REEP5: variants seen among roughly 807,000 people sequenced by gnomAD.
REEP5 encodes receptor accessory protein 5.
A neutral mutation model predicts 22.4 loss-of-function variants in REEP5; 24 were observed. The observed-to-expected ratio is 1.07, with a 90% CI of 0.78 to 1.51. REEP5 has a LOEUF of 1.51. REEP5 is among the 40% of genes most tolerant of loss of function. The probability of loss-of-function intolerance (pLI) is 0.00; values close to 1 mark genes in which losing one functional copy is unlikely to be tolerated. For synonymous variants in REEP5, 103 were observed against 88.6 expected, an observed-to-expected ratio of 1.16 and a Z score of -0.92; for missense variants, 252 against 233.0, an observed-to-expected ratio of 1.08 and a Z score of -0.53.
At chr5:112,880,059 A>G (rs1442072220) in intron 4 of REEP5, among the ~76,000 whole-genome samples, 1 of 152,174 alleles carries the variant, frequency 6.6e-6, no homozygotes, top group East Asian at 1.9e-4. Flanking sequence ...ATTCTCTCCT[A>G]TGATGAGAAG....
chr5:112,886,030 C>G (rs1419563062), intron 4 of REEP5, among the ~76,000 whole-genome samples: 1 of 152,230 alleles, frequency 6.6e-6, no homozygotes, highest in East Asian at 1.9e-4. Context: ...GCGACATGGC[C>G]TCTCCACTTG....
Position 112,922,111 on chromosome 5 carries a change from T to C in REEP5, c.80A>G (p.Glu27Gly), listed in dbSNP as rs773976992. The C allele has an allele frequency of 3.2e-5, 51 of 1,604,810 alleles. No individual in the cohort carries two copies. Among genetic ancestry groups the C allele is most frequent in the Middle Eastern group, 3.3e-4 (2 of 6,064 alleles). Residue 27 changes from glutamate (E) to glycine (G), a missense_variant, in exon 1 of 5, where the codon GAG becomes GGG. By Grantham distance (98) the Glu-to-Gly change is moderately conservative. Coordinates refer to ENST00000379638, the MANE Select transcript of REEP5 (RefSeq NM_005669.5). ...NCMTDLLAKLEAKTGVNRSFI... is the reference protein window; with the variant it reads ...NCMTDLLAKLGAKTGVNRSFI... Reference sequence around the variant, plus strand: ...GCTCCTGTTCACGCCGGTTTTGGCCTCGAGCTTGGCCAGAAGGTCAGTCAT... The same window carrying C: ...GCTCCTGTTCACGCCGGTTTTGGCCCCGAGCTTGGCCAGAAGGTCAGTCAT...
intron 4 of REEP5, among the ~76,000 whole-genome samples, chr5:112,886,472 A>C (rs1768249579): frequency 1.3e-5 from 2 of 152,142 alleles, no homozygotes; most frequent in Admixed American, 6.5e-5. Flanking sequence ...GCTTGTCTCT[A>C]GTTTTAGGTC....
At chr5:112,919,771 G>C (rs574935453) in intron 2 of REEP5, among the ~76,000 whole-genome samples, 4 of 152,064 alleles carry the variant, frequency 2.6e-5, no homozygotes, top group Non-Finnish European at 5.9e-5. Flanking sequence ...CCAGAACTGT[G>C]AGCAATAAAT....
chr5:112,885,778 G>A lies in REEP5; in HGVS notation c.520+1237C>T, dbSNP rs180720086. 8 of 248,704 alleles carry A rather than the reference G, an allele frequency of 3.2e-5. No individual in the cohort carries two copies. In the East Asian group the frequency reaches 3.5e-4, roughly 11 times the overall value. 15.4% of individuals were successfully genotyped at this position (248,704 alleles called of 1,614,324 possible). ...TTTTGACTACATATATGCCAAGCCC[G>A]TAGTCTGAGACAGAGAGCCAAGCTA... is the stretch of plus-strand genomic sequence containing the variant. On this transcript the variant is annotated intron_variant, in intron 4 of 4. Coordinates refer to ENST00000379638, the MANE Select transcript of REEP5 (RefSeq NM_005669.5).
intron 2 of REEP5, among the ~76,000 whole-genome samples, chr5:112,916,345 C>G (rs972132582): frequency 6.6e-6 from 1 of 152,212 alleles, no homozygotes; most frequent in African/African-American, 2.4e-5. Flanking sequence ...AGATACTTGT[C>G]TCTTGAAACA....
intron 2 of REEP5, among the ~76,000 whole-genome samples, chr5:112,911,263 C>G (rs116698020): frequency 0.014 from 2,103 of 152,318 alleles, 16 homozygotes; most frequent in Middle Eastern, 0.037. Flanking sequence ...ATTTCAACCT[C>G]CAGACTTCTT....
At chr5:112,917,823 C>G (rs773363815) in intron 2 of REEP5, among the ~76,000 whole-genome samples, 1 of 152,112 alleles carries the variant, frequency 6.6e-6, no homozygotes, top group East Asian at 1.9e-4. Flanking sequence ...AAACAGAATG[C>G]AGATTAGTGG....
intron 1 of REEP5, chr5:112,921,515 C>G (rs909184104): frequency 1.9e-6 from 1 of 536,938 alleles, no homozygotes; most frequent in South Asian, 2.1e-5. Context: ...GCGCAGCAAC[C>G]CCCGGCGCCC....
intron 3 of REEP5, among the ~76,000 whole-genome samples, chr5:112,888,434 T>C (rs754408816): frequency 1.3e-5 from 2 of 152,172 alleles, no homozygotes; most frequent in African/African-American, 4.8e-5. Context: ...TATCTCCAGA[T>C]TATTCTTTCT....
At chr5:112,913,547 A>T (rs1353897431) in intron 2 of REEP5, among the ~76,000 whole-genome samples, 86 of 150,686 alleles carry the variant, frequency 5.7e-4, no homozygotes, top group African/African-American at 1.9e-3. Context: ...AAAAAAAAAA[A>T]AAAAAAAAAA....
At chr5:112,892,021 G>A (rs759839764) in intron 3 of REEP5, 22 of 1,300,640 alleles carry the variant, frequency 1.7e-5, no homozygotes, top group African/African-American at 1.6e-4. Flanking sequence ...AGAAGAGGAG[G>A]AGCAGAAACA....
chr5:112,912,826 A>G (rs2150047352), intron 2 of REEP5, among the ~76,000 whole-genome samples: 1 of 152,360 alleles, frequency 6.6e-6, no homozygotes, highest in Middle Eastern at 3.4e-3. Flanking sequence ...GGAAAAAAGA[A>G]TCAGACATTT....
rs190056267 is a variant in REEP5 at position 112,917,322 on chromosome 5, G to A, written c.212+3841C>T. On this transcript the variant is annotated intron_variant, in intron 2 of 4. Transcript: ENST00000379638. ...AAGCCTGGCCTCTGTGTGACCTTGG[G>A]AAACACACTCCACCTTTCTCTGTCC... Among the ~76,000 whole-genome samples the A allele has an allele frequency of 1.9e-3, 290 of 152,254 alleles. 1 individual carries two copies. Among genetic ancestry groups the A allele is most frequent in the Admixed American group, 3.7e-3 (56 of 15,286 alleles).
At chr5:112,913,069 C>G (rs1477967990) in intron 2 of REEP5, among the ~76,000 whole-genome samples, 1 of 152,120 alleles carries the variant, frequency 6.6e-6, no homozygotes, top group African/African-American at 2.4e-5. Context: ...TTTGGGAGGC[C>G]AAGGCAGATG....
At chr5:112,921,820 C>G (rs1026244630) in intron 1 of REEP5, 3 of 387,218 alleles carry the variant, frequency 7.7e-6, no homozygotes, top group East Asian at 5.9e-5. Context: ...TACGTCAGCG[C>G]TGGCCCTTCC....
chr5:112,906,727 C>T (rs1768962996), intron 2 of REEP5, among the ~76,000 whole-genome samples: 2 of 152,206 alleles, frequency 1.3e-5, no homozygotes. Context: ...CGCCTGGGTC[C>T]TTCTTCAGAC....
At position 112,878,579 on chromosome 5, in the gene REEP5, A is replaced by T; in HGVS notation, c.*207T>A. 1.6e-6 allele frequency: 1 copy of T among 635,048 alleles called. No homozygotes were observed. The highest frequency in any genetic ancestry group is 2.5e-6 in the Non-Finnish European group (1 of 395,078). The allele number at this position is 635,048 out of a possible 1,614,324, so 39.3% of individuals were successfully genotyped here. A position where few individuals can be genotyped will look rare whatever the true frequency, so the allele number is the denominator to read the frequency against. ...AAATACATTTTCCAAAAACGTGGAC[A>T]CTGCCCACTGCATTAAGTTTAAAGT... On this transcript the variant is annotated 3_prime_UTR_variant, in exon 5 of 5. Coordinates refer to ENST00000379638, the MANE Select transcript of REEP5 (RefSeq NM_005669.5).
Position 112,892,582 on chromosome 5 carries a change from G to A in REEP5, c.352-5399C>T, listed in dbSNP as rs775854893. 1.2e-5 allele frequency: 20 copies of A among 1,614,072 alleles called. No individual in the cohort carries two copies. In the Admixed American group the frequency reaches 2.7e-4, roughly 22 times the overall value. ...CTGCCCAGTGACCCGGTGGAAAATG[G>A]CGATTTGTGGTTTATTTGAAATACA... On this transcript the variant is annotated intron_variant, in intron 3 of 4. Coordinates refer to ENST00000379638, the MANE Select transcript of REEP5 (RefSeq NM_005669.5).
Sources: allele counts gnomAD v4.1 joint callset (sites outside exome capture counted in the v4.1 genomes callset), GRCh38; gene constraint gnomAD v4.1.1; transcripts MANE v1.5; gene names NCBI Gene and HGNC (gene_info 2026-07-23, HGNC 2026-07-21).